Variants in KCNIP4 observed in about 807,000 individuals in gnomAD.
The protein encoded by KCNIP4 is potassium voltage-gated channel interacting protein 4.
KCNIP4 carries 12 observed loss-of-function variants against 34.0 expected under a neutral mutation model. The ratio of observed to expected loss-of-function variants is 0.35; its 90% CI spans 0.23 to 0.57. The LOEUF (loss-of-function observed/expected upper bound fraction) is 0.57. Among genes scored for constraint, KCNIP4 ranks in the 20% least tolerant of loss-of-function variants. The probability of loss-of-function intolerance (pLI) is 0.83; values close to 1 mark genes in which losing one functional copy is unlikely to be tolerated. For synonymous variants in KCNIP4, 124 were observed against 102.2 expected (o/e 1.21, Z -1.29); for missense variants, 238 against 311.7 (o/e 0.76, Z 1.78).
chr4:21,109,874 A>G (rs950869032), intron 1 of KCNIP4, among the ~76,000 whole-genome samples: 9 of 152,018 alleles, frequency 5.9e-5, no homozygotes, highest in Non-Finnish European at 1.0e-4. Flanking sequence ...ACTTGAAACT[A>G]CTCTTTCCTA....
chr4:21,152,501 C>A (rs903733515), intron 1 of KCNIP4, among the ~76,000 whole-genome samples: 1 of 151,132 alleles, frequency 6.6e-6, no homozygotes, highest in African/African-American at 2.5e-5. Context: ...ATAATACAAG[C>A]CATTTTTTTT....
In KCNIP4 at chr4:21,368,311, G is replaced by T. The variant is rs1329958027; in HGVS notation, c.62-485602C>A. ...TGACTACACTACACATAAAAATAAA[G>T]TTCAAATCTGTGGTTTAAGGTTATT... On this transcript the variant is annotated intron_variant, in intron 1 of 8. Coordinates refer to ENST00000382152, the MANE Select transcript of KCNIP4 (RefSeq NM_025221.6). 1.4e-5 allele frequency among the ~76,000 whole-genome samples: 2 copies of T among 146,752 alleles called. 1 individual carries two copies. Among genetic ancestry groups the T allele is most frequent in the African/African-American group, 5.5e-5 (2 of 36,596 alleles).
chr4:20,995,266 G>C (rs1220683007), intron 1 of KCNIP4, among the ~76,000 whole-genome samples: 1 of 152,060 alleles, frequency 6.6e-6, no homozygotes, highest in Non-Finnish European at 1.5e-5. Flanking sequence ...TCTGTTGGGT[G>C]CTGTGGGAAG....
chr4:21,580,469 C>T (rs959535805), intron 1 of KCNIP4, among the ~76,000 whole-genome samples: 1 of 151,980 alleles, frequency 6.6e-6, no homozygotes, highest in Non-Finnish European at 1.5e-5. Flanking sequence ...TGAAGAATCC[C>T]TTGATGGGAT....
chr4:21,784,949 T>A (rs887331351), intron 1 of KCNIP4, among the ~76,000 whole-genome samples: 1 of 152,208 alleles, frequency 6.6e-6, no homozygotes, highest in Non-Finnish European at 1.5e-5. Context: ...TAAGCTAAAA[T>A]AGCTGATGTA....
intron 1 of KCNIP4, among the ~76,000 whole-genome samples, chr4:21,316,932 T>C (rs980820809): frequency 3.3e-5 from 5 of 152,214 alleles, no homozygotes; most frequent in African/African-American, 9.6e-5. Context: ...GAAGTCAGCT[T>C]CTGTTCTGGG....
intron 1 of KCNIP4, among the ~76,000 whole-genome samples, chr4:21,535,125 G>T (rs1737040836): frequency 6.6e-6 from 1 of 152,032 alleles, no homozygotes; most frequent in African/African-American, 2.4e-5. Flanking sequence ...AGCAGCTGCT[G>T]CTCTAAAGAT....
At chr4:20,909,582 C>T (rs1460550434) in intron 1 of KCNIP4, among the ~76,000 whole-genome samples, 1 of 152,156 alleles carries the variant, frequency 6.6e-6, no homozygotes, top group Non-Finnish European at 1.5e-5. Context: ...CTCACATGTT[C>T]CCCTTAGTCA....
chr4:21,192,943 CTACTACTACTAA>C (rs1755771335), intron 1 of KCNIP4, among the ~76,000 whole-genome samples: 1 of 145,292 alleles, frequency 6.9e-6, no homozygotes, highest in Non-Finnish European at 1.5e-5. Flanking sequence ...ACTACTACTA[CTACTACTACTAA>C]TAATAATAAT....
chr4:21,557,636 T>G (rs868133008), intron 1 of KCNIP4, among the ~76,000 whole-genome samples: 1 of 150,630 alleles, frequency 6.6e-6, no homozygotes, highest in South Asian at 2.1e-4. Flanking sequence ...ATACACCACT[T>G]GGGTCCCATT....
intron 4 of KCNIP4, among the ~76,000 whole-genome samples, chr4:20,755,493 C>T (rs1754327205): frequency 6.6e-6 from 1 of 152,216 alleles, no homozygotes; most frequent in Admixed American, 6.5e-5. Context: ...AGTGCTATTA[C>T]TTGTCAGCCA....
At chr4:21,767,612 T>C (rs1220261360) in intron 1 of KCNIP4, among the ~76,000 whole-genome samples, 1 of 152,082 alleles carries the variant, frequency 6.6e-6, no homozygotes. Flanking sequence ...CAAAATACAG[T>C]TATTAAAATC....
At chr4:21,723,283 G>A (rs1714955113) in intron 1 of KCNIP4, among the ~76,000 whole-genome samples, 1 of 152,094 alleles carries the variant, frequency 6.6e-6, no homozygotes, top group Admixed American at 6.6e-5. Flanking sequence ...ACCCTCCTTT[G>A]AGTGGACAGG....
chr4:21,734,191 A>G (rs537667604), intron 1 of KCNIP4, among the ~76,000 whole-genome samples: 1 of 152,282 alleles, frequency 6.6e-6, no homozygotes, highest in South Asian at 2.1e-4. Context: ...TTAGATAAGG[A>G]GTTTAATAAT....
At chr4:21,600,763 T>C (rs1743046663) in intron 1 of KCNIP4, among the ~76,000 whole-genome samples, 1 of 152,126 alleles carries the variant, frequency 6.6e-6, no homozygotes, top group South Asian at 2.1e-4. Flanking sequence ...GACACTTGGA[T>C]AGATGTCCTC....
At chr4:21,296,408 CTT>C (rs201961246) in intron 1 of KCNIP4, among the ~76,000 whole-genome samples, 3 of 144,900 alleles carry the variant, frequency 2.1e-5, no homozygotes, top group Non-Finnish European at 3.0e-5. Context: ...CTCTCTCTCT[CTT>C]TTTTTTTTTG....
intron 1 of KCNIP4, among the ~76,000 whole-genome samples, chr4:21,920,124 T>C (rs1350693410): frequency 1.3e-5 from 2 of 152,156 alleles, no homozygotes; most frequent in Non-Finnish European, 2.9e-5. Context: ...TATTATCTTT[T>C]CTTTAAACTG....
At chr4:21,214,374 C>T (rs1757421547) in intron 1 of KCNIP4, among the ~76,000 whole-genome samples, 1 of 152,134 alleles carries the variant, frequency 6.6e-6, no homozygotes, top group Non-Finnish European at 1.5e-5. Flanking sequence ...GTTCTTTAAA[C>T]TGTGTTATAA....
At chr4:21,195,927 C>A (rs1446731285) in intron 1 of KCNIP4, among the ~76,000 whole-genome samples, 1 of 152,110 alleles carries the variant, frequency 6.6e-6, no homozygotes, top group South Asian at 2.1e-4. Flanking sequence ...GTCGAGTAAG[C>A]ATCATTCCTG....
Sources: gnomAD v4.1 joint callset for allele counts (sites outside exome capture counted in the v4.1 genomes callset) on GRCh38, gnomAD v4.1.1 for gene constraint, MANE v1.5 for transcripts, NCBI Gene and HGNC (gene_info 2026-07-23, HGNC 2026-07-21) for gene names.